Variants in STN1 observed in about 807,000 individuals in gnomAD.
The protein encoded by STN1 is STN1 subunit of CST complex, also known as CST complex subunit STN1.
A neutral mutation model predicts 45.5 loss-of-function variants in STN1; 29 were observed. The ratio of observed to expected loss-of-function variants is 0.64; its 90% CI spans 0.47 to 0.87. The LOEUF (loss-of-function observed/expected upper bound fraction) is 0.87, where lower values mean the gene tolerates loss of function less well. STN1 is among the 40% of genes least tolerant of loss of function. The pLI, the probability that STN1 is intolerant of heterozygous loss-of-function variation, is 0.00. For synonymous variants in STN1, 148 were observed against 159.0 expected, an observed-to-expected ratio of 0.93 and a Z score of 0.52; for missense variants, 376 against 441.4, an observed-to-expected ratio of 0.85 and a Z score of 1.33.
Position 103,907,498 on chromosome 10 carries a change from T to C in STN1, c.230-2342A>G, listed in dbSNP as rs116422165. ...ATGTATACGTTGACTGTAAGCCTAA[T>C]TTCAGAAACACTGAGAAATAAATAT... On this transcript the variant is annotated intron_variant, in intron 3 of 9. Transcript: ENST00000224950. 2.5e-3 allele frequency among the ~76,000 whole-genome samples: 381 copies of C among 152,260 alleles called. 3 individuals are homozygous for C. The highest frequency in any genetic ancestry group is 8.8e-3 in the African/African-American group (364 of 41,552).
chr10:103,914,353 TATATATATATA>T (rs1843311345), intron 2 of STN1, among the ~76,000 whole-genome samples: 5 of 21,366 alleles, frequency 2.3e-4, no homozygotes, highest in African/African-American at 5.9e-4. Context: ...TATATATATA[TATATATATATA>T]TATATATATA....
chr10:103,893,131 TA>T (rs1843150509), intron 7 of STN1, among the ~76,000 whole-genome samples: 1 of 152,084 alleles, frequency 6.6e-6, no homozygotes, highest in African/African-American at 2.4e-5. Context: ...CACTCCTTCC[TA>T]AAACAAAGAA....
intron 4 of STN1, among the ~76,000 whole-genome samples, chr10:103,904,686 T>C (rs1843229489): frequency 6.6e-6 from 1 of 152,208 alleles, no homozygotes; most frequent in South Asian, 2.1e-4. Flanking sequence ...CAGAAGTTAG[T>C]GGCAACCATG....
chr10:103,898,967 A>G lies in STN1; in HGVS notation c.491T>C (p.Ile164Thr), dbSNP rs373452798. 1.5e-5 allele frequency: 24 copies of G among 1,614,058 alleles called. No homozygotes were observed. In the African/African-American group the frequency reaches 2.1e-4, roughly 14 times the overall value. ...AGTGGGCAGCTCAAGCATCCTTGCAATTTGAATGTTCCACACTGGGTCGTC... is the reference window on the plus strand; with the variant it reads ...AGTGGGCAGCTCAAGCATCCTTGCAGTTTGAATGTTCCACACTGGGTCGTC... ...KVDDPVWNIQIARMLELPTIY... is the reference protein window; with the variant it reads ...KVDDPVWNIQTARMLELPTIY... Residue 164 changes from isoleucine (I) to threonine (T), a missense_variant, in exon 6 of 10, where the codon ATT becomes ACT. By Grantham distance (89) the Ile-to-Thr change is moderately conservative (BLOSUM62 -1). Transcript: ENST00000224950.
intron 9 of STN1, among the ~76,000 whole-genome samples, chr10:103,888,088 CT>C (rs1328275424): frequency 6.6e-6 from 1 of 152,162 alleles, no homozygotes; most frequent in Non-Finnish European, 1.5e-5. Context: ...TAATATATTG[CT>C]TTGAGTTTAT....
chr10:103,915,335 C>T (rs1843324204), intron 2 of STN1, among the ~76,000 whole-genome samples: 1 of 152,160 alleles, frequency 6.6e-6, no homozygotes, highest in Non-Finnish European at 1.5e-5. Context: ...CTCAAAACCC[C>T]CAACTCTCTA....
At position 103,882,336 on chromosome 10, in the gene STN1, C is replaced by G. The variant is rs564847924; in HGVS notation, c.*348G>C. Reference sequence around the variant, plus strand: ...GAATGTTCACTACCCTGTGGTGTCCCTTTGCCATGGAAGAGACTCCAACCA... The same window carrying G: ...GAATGTTCACTACCCTGTGGTGTCCGTTTGCCATGGAAGAGACTCCAACCA... On this transcript the variant is annotated 3_prime_UTR_variant, in exon 10 of 10. Transcript: ENST00000224950. Among the ~76,000 whole-genome samples, 9 of 152,356 alleles carry G rather than the reference C, an allele frequency of 5.9e-5. No individual in the cohort carries two copies. The South Asian group carries it at 1.9e-3, about 32-fold the overall frequency.
In STN1 at chr10:103,880,910, C is replaced by A. The variant is rs1256515725; in HGVS notation, c.*1774G>T. ...GTATATATATATATATGTACATGTG[C>A]TACATTTATAAAGACCTCCATGCAG... On this transcript the variant is annotated 3_prime_UTR_variant, in exon 10 of 10. Coordinates refer to ENST00000224950, the MANE Select transcript of STN1 (RefSeq NM_024928.5). Among the ~76,000 whole-genome samples the A allele has an allele frequency of 1.3e-5, 2 of 152,030 alleles. No individual in the cohort carries two copies. Among genetic ancestry groups the A allele is most frequent in the Non-Finnish European group, 2.9e-5 (2 of 68,014 alleles).
intron 7 of STN1, among the ~76,000 whole-genome samples, chr10:103,893,029 G>T (rs559007220): frequency 6.6e-6 from 1 of 152,182 alleles, no homozygotes; most frequent in Non-Finnish European, 1.5e-5. Flanking sequence ...CCTAGCACAC[G>T]TTAGGTGACT....
In STN1 at chr10:103,877,789, A is replaced by G. The variant is rs1319478953; in HGVS notation, c.*4895T>C. 6.6e-6 allele frequency: 1 copy of G among 152,230 alleles called. No individual in the cohort carries two copies. The highest frequency in any genetic ancestry group is 1.5e-5 in the Non-Finnish European group (1 of 68,054). The allele number at this position is 152,230 out of a possible 1,614,324, so 9.4% of individuals were successfully genotyped here. A position where few individuals can be genotyped will look rare whatever the true frequency, so the allele number is the denominator to read the frequency against. Reference sequence around the variant, plus strand: ...TCCACAGACACCATCTCCCTTCAGGATGGTCCTGCTTTTCCCCCAGCACCT... The same window carrying G: ...TCCACAGACACCATCTCCCTTCAGGGTGGTCCTGCTTTTCCCCCAGCACCT... On this transcript the variant is annotated 3_prime_UTR_variant, in exon 10 of 10. Coordinates refer to ENST00000224950, the MANE Select transcript of STN1 (RefSeq NM_024928.5).
chr10:103,877,978 C>T lies in STN1; in HGVS notation c.*4706G>A, dbSNP rs1843041735. On this transcript the variant is annotated 3_prime_UTR_variant, in exon 10 of 10. Transcript: ENST00000224950. ...TCCATCATGGAAAATTACAAGTTTA[C>T]TTGGTTTCAGTCCTTGGCACTAAGT... 1 of 152,260 alleles carries T rather than the reference C, an allele frequency of 6.6e-6. No individual in the cohort carries two copies. The highest frequency in any genetic ancestry group is 2.1e-4 in the South Asian group (1 of 4,834). The allele number at this position is 152,260 out of a possible 1,614,324, so 9.4% of individuals were successfully genotyped here.
At chr10:103,911,833 A>G (rs1389139252) in intron 2 of STN1, among the ~76,000 whole-genome samples, 1 of 152,082 alleles carries the variant, frequency 6.6e-6, no homozygotes, top group South Asian at 2.1e-4. Flanking sequence ...TAACCCCCAG[A>G]CTGGCCTCTG....
At position 103,882,500 on chromosome 10, in the gene STN1, T is replaced by G; in HGVS notation, c.*184A>C. 1.8e-6 allele frequency: 1 copy of G among 570,790 alleles called. No homozygotes were observed. Among genetic ancestry groups the G allele is most frequent in the Non-Finnish European group, 3.0e-6 (1 of 333,586 alleles). The allele number at this position is 570,790 out of a possible 1,614,324, so 35.4% of individuals were successfully genotyped here. ...TCAAAGTCATTGTACACCAAGGACA[T>G]AGTGGACAGAAGGGAGCCAACAACA... On this transcript the variant is annotated 3_prime_UTR_variant, in exon 10 of 10. Coordinates refer to ENST00000224950, the MANE Select transcript of STN1 (RefSeq NM_024928.5).
Position 103,882,542 on chromosome 10 carries a change from T to C in STN1, c.*142A>G. Reference sequence around the variant, plus strand: ...CCAACAACATTTATGCCAAATCCCATTCCCAAGATGACTATATTTTATAGT... The same window carrying C: ...CCAACAACATTTATGCCAAATCCCACTCCCAAGATGACTATATTTTATAGT... On this transcript the variant is annotated 3_prime_UTR_variant, in exon 10 of 10. Transcript: ENST00000224950. The C allele has an allele frequency of 6.1e-6, 5 of 824,566 alleles. No homozygotes were observed. Among genetic ancestry groups the C allele is most frequent in the Non-Finnish European group, 9.1e-6 (5 of 548,496 alleles). The allele number at this position is 824,566 out of a possible 1,614,324, so 51.1% of individuals were successfully genotyped here.
chr10:103,917,130 A>G (rs1196632431), intron 2 of STN1, among the ~76,000 whole-genome samples: 1 of 152,090 alleles, frequency 6.6e-6, no homozygotes, highest in East Asian at 1.9e-4. Context: ...CAGGCCTAGG[A>G]ATATCTGGCC....
intron 8 of STN1, among the ~76,000 whole-genome samples, chr10:103,891,087 A>G (rs1331181357): frequency 6.6e-6 from 1 of 152,240 alleles, no homozygotes; most frequent in Middle Eastern, 3.2e-3. Context: ...GTTGACCAAA[A>G]GCTTAAATGG....
intron 3 of STN1, among the ~76,000 whole-genome samples, chr10:103,907,457 A>G (rs1843249104): frequency 6.6e-6 from 1 of 152,204 alleles, no homozygotes; most frequent in African/African-American, 2.4e-5. Flanking sequence ...AGTGTGGGGA[A>G]GGAACCCCAC....
intron 6 of STN1, 131 bp from the exon 7 acceptor site, chr10:103,897,850 T>C (rs1451628325): frequency 2.7e-6 from 2 of 753,584 alleles, no homozygotes; most frequent in African/African-American, 3.5e-5. Flanking sequence ...TACAGAGTAA[T>C]ATATACAGGG....
rs779578647 is a variant in STN1 at position 103,889,118 on chromosome 10, G to C, written c.903C>G (p.His301Gln). Residue 301 changes from histidine (H) to glutamine (Q), a missense_variant, in exon 9 of 10, where the codon CAC becomes CAG. His to Gln is a conservative substitution (Grantham distance 24). Coordinates refer to ENST00000224950, the MANE Select transcript of STN1 (RefSeq NM_024928.5). ...GCTGAATGATCCGGTGGATCTTTCT[G>C]TGCAGGTCTTTGTCTTCTCTGGTTA... ...YYVTREDKDL[H>Q]RKIHRIIQQD... is the part of the protein sequence containing the mutation. 2 of 1,613,654 alleles carry C rather than the reference G, an allele frequency of 1.2e-6. No homozygotes were observed. Among genetic ancestry groups the C allele is most frequent in the Non-Finnish European group, 1.7e-6 (2 of 1,179,584 alleles).
Sources: allele counts gnomAD v4.1 joint callset (sites outside exome capture counted in the v4.1 genomes callset), GRCh38; gene constraint gnomAD v4.1.1; transcripts MANE v1.5; gene names NCBI Gene and HGNC (gene_info 2026-07-23, HGNC 2026-07-21).